PDC: variants seen among roughly 807,000 people sequenced by gnomAD.
The protein encoded by PDC is phosducin, also known as 33 kDa phototransducing protein.
A neutral mutation model predicts 22.2 loss-of-function variants in PDC; 19 were observed. The observed-to-expected ratio is 0.86, with a 90% CI of 0.60 to 1.26. The LOEUF is 1.26. PDC is among the 50% of genes most tolerant of loss of function. The probability of loss-of-function intolerance (pLI) is 0.00; values close to 1 mark genes in which losing one functional copy is unlikely to be tolerated. For missense variants in PDC, 274 were observed against 286.8 expected (o/e 0.96, Z 0.32); for synonymous variants, 97 against 96.2 (o/e 1.01, Z -0.05).
intron 1 of PDC, among the ~76,000 whole-genome samples, chr1:186,450,757 A>G (rs2102132647): frequency 6.6e-6 from 1 of 152,282 alleles, no homozygotes; most frequent in Non-Finnish European, 1.5e-5. Context: ...GTTCACACTC[A>G]TATCAAATCT....
chr1:186,455,995 AT>A (rs1459433073), intron 1 of PDC, among the ~76,000 whole-genome samples: 4,930 of 55,008 alleles, frequency 0.09, 557 homozygotes, highest in East Asian at 0.26. Flanking sequence ...AAAAAAAAAA[AT>A]ATATATATAT....
At position 186,444,162 on chromosome 1, in the gene PDC, A is replaced by G; in HGVS notation, c.558T>C (p.Leu186=). 1 of 1,613,620 alleles carries G rather than the reference A, an allele frequency of 6.2e-7. No individual in the cohort carries two copies. Among genetic ancestry groups the G allele is most frequent in the Middle Eastern group, 1.6e-4 (1 of 6,062 alleles). ...CACCTTTATAGATGAGCAGTGTAGG[A>G]AGTACATCTAAGGAAAAGCGGTCCC... ...GAGDRFSLDV[L]PTLLIYKGGE... is the part of the protein sequence containing the mutation. The change falls in exon 4 of 4, where the codon CTT becomes CTC. Residue 186 remains leucine, a synonymous_variant. Coordinates refer to ENST00000391997, the MANE Select transcript of PDC (RefSeq NM_002597.5).
At chr1:186,447,440 T>C (rs1013571700) in intron 2 of PDC, among the ~76,000 whole-genome samples, 4 of 152,208 alleles carry the variant, frequency 2.6e-5, no homozygotes, top group Admixed American at 2.6e-4. Context: ...TGAGCCACTG[T>C]GCCCGGCCAG....
chr1:186,446,718 A>G (rs1163001854), intron 2 of PDC, 141 bp from the exon 3 acceptor site: 2 of 495,798 alleles, frequency 4.0e-6, no homozygotes, highest in Non-Finnish European at 7.1e-6. Context: ...TGGACTAGAA[A>G]TTTCTGACTG....
At chr1:186,450,233 A>G (rs1662322472) in intron 1 of PDC, among the ~76,000 whole-genome samples, 1 of 152,244 alleles carries the variant, frequency 6.6e-6, no homozygotes, top group East Asian at 1.9e-4. Flanking sequence ...TCTAAGGAAC[A>G]CTATTCAATA....
intron 2 of PDC, chr1:186,448,737 T>A: frequency 1.3e-6 from 1 of 755,482 alleles, no homozygotes; most frequent in Non-Finnish European, 1.6e-6. Flanking sequence ...GCTGGTACTC[T>A]TGTGAATTCT....
At chr1:186,448,062 A>G (rs1478655704) in intron 2 of PDC, among the ~76,000 whole-genome samples, 1 of 152,140 alleles carries the variant, frequency 6.6e-6, no homozygotes, top group Non-Finnish European at 1.5e-5. Flanking sequence ...TTTAATCGTG[A>G]TCTACATTGT....
Position 186,443,756 on chromosome 1 carries a change from A to G in PDC, c.*223T>C, listed in dbSNP as rs1662153812. ...AATATTATCCACATCCTCTTTGTCT[A>G]CTAATAATGTTGCTGAAGACAGCTC... On this transcript the variant is annotated 3_prime_UTR_variant, in exon 4 of 4. Transcript: ENST00000391997. 2 of 475,324 alleles carry G rather than the reference A, an allele frequency of 4.2e-6. No individual in the cohort carries two copies. The highest frequency in any genetic ancestry group is 3.7e-6 in the Non-Finnish European group (1 of 269,128). 29.4% of individuals were successfully genotyped at this position (475,324 alleles called of 1,614,324 possible).
Position 186,446,533 on chromosome 1 carries a change from T to C in PDC, c.106A>G (p.Ser36Gly). ...INDWRKFKLESQDSDSIPPSK... is the reference protein window; with the variant it reads ...INDWRKFKLEGQDSDSIPPSK... ...GGTGGAATTGAATCACTGTCTTGAC[T>C]CTCTAATTTAAACTTTCTCCAATCA... is the stretch of plus-strand genomic sequence containing the variant. Residue 36 changes from serine to glycine, a missense_variant, in exon 3 of 4, where the codon AGT (serine) becomes GGT (glycine). By Grantham distance (56) the Ser-to-Gly change is moderately conservative. Coordinates refer to ENST00000391997, the MANE Select transcript of PDC (RefSeq NM_002597.5). The C allele has an allele frequency of 6.3e-7, 1 of 1,595,356 alleles. No individual in the cohort carries two copies. The highest frequency in any genetic ancestry group is 8.6e-7 in the Non-Finnish European group (1 of 1,165,150).
rs953672395 is a variant in PDC at position 186,461,114 on chromosome 1, T to C, written c.-80A>G. 1 of 154,812 alleles carries C rather than the reference T, an allele frequency of 6.5e-6. No homozygotes were observed. The highest frequency in any genetic ancestry group is 1.5e-5 in the Non-Finnish European group (1 of 68,236). 9.6% of individuals were successfully genotyped at this position (154,812 alleles called of 1,614,324 possible). On this transcript the variant is annotated 5_prime_UTR_variant, in exon 1 of 4. Transcript: ENST00000391997. ...TGAGTGGGTGAGAATCCCTGTCTACTGAACTCGTCTTGAACTTCAATAGGT... is the reference window on the plus strand; with the variant it reads ...TGAGTGGGTGAGAATCCCTGTCTACCGAACTCGTCTTGAACTTCAATAGGT...
intron 1 of PDC, among the ~76,000 whole-genome samples, chr1:186,455,996 T>TAA (rs1662461533): frequency 2.2e-5 from 1 of 45,804 alleles, no homozygotes; most frequent in Non-Finnish European, 3.4e-5. Flanking sequence ...AAAAAAAAAA[T>TAA]ATATATATAT....
intron 1 of PDC, among the ~76,000 whole-genome samples, chr1:186,457,283 G>A (rs1214921802): frequency 3.3e-5 from 5 of 152,102 alleles, no homozygotes; most frequent in Non-Finnish European, 5.9e-5. Context: ...TCAGTGGTGA[G>A]AATTTCATAT....
At chr1:186,450,696 T>C (rs1039967059) in intron 1 of PDC, among the ~76,000 whole-genome samples, 8 of 152,176 alleles carry the variant, frequency 5.3e-5, no homozygotes, top group African/African-American at 1.9e-4. Context: ...TTTTTATTCA[T>C]ACGAAACTCC....
chr1:186,446,687 A>G lies in PDC; in HGVS notation c.62-110T>C, dbSNP rs1439850621. 5.2e-6 allele frequency: 3 copies of G among 578,512 alleles called. No homozygotes were observed. In the African/African-American group the frequency reaches 5.6e-5, roughly 11 times the overall value. The allele number at this position is 578,512 out of a possible 1,614,324, so 35.8% of individuals were successfully genotyped here. A position where few individuals can be genotyped will look rare whatever the true frequency, so the allele number is the denominator to read the frequency against. ...ATGGAATAAACTTATTGTCTCCTGC[A>G]TCAGAAACAAACATCTTGTTTGGAC... On this transcript the variant is annotated intron_variant, in intron 2 of 3. Coordinates refer to ENST00000391997, the MANE Select transcript of PDC (RefSeq NM_002597.5).
chr1:186,444,440 G>A lies in PDC; in HGVS notation c.280C>T (p.Arg94Cys), dbSNP rs567786815. The A allele has an allele frequency of 1.9e-6, 3 of 1,611,874 alleles. No individual in the cohort carries two copies. The highest frequency in any genetic ancestry group is 2.2e-5 in the East Asian group (1 of 44,854). ...KEDENCLRKY[R>C]RQCMQDMHQK... ...TGCATATCCTGCATACACTGTCTAC[G>A]GTATTTACGAAGGCAGTTTTCATCC... Residue 94 changes from arginine to cysteine, a missense_variant, in exon 4 of 4, where the codon CGT becomes TGT. Physicochemically the swap from Arg to Cys is radical, Grantham distance 180 (BLOSUM62 -3). Coordinates refer to ENST00000391997, the MANE Select transcript of PDC (RefSeq NM_002597.5).
At chr1:186,444,775 A>G (rs1662187016) in intron 3 of PDC, among the ~76,000 whole-genome samples, 2 of 152,122 alleles carry the variant, frequency 1.3e-5, no homozygotes, top group African/African-American at 2.4e-5. Context: ...AAACACTATT[A>G]TATCTTATAA....
intron 3 of PDC, 120 bp downstream of exon 3, chr1:186,446,306 G>T (rs557527103): frequency 1.9e-5 from 12 of 617,788 alleles, no homozygotes; most frequent in Middle Eastern, 3.5e-4. Context: ...ATTTTTTTTT[G>T]CCAGCGTAAG....
At chr1:186,457,762 A>G (rs1324015876) in intron 1 of PDC, among the ~76,000 whole-genome samples, 1 of 152,194 alleles carries the variant, frequency 6.6e-6, no homozygotes, top group Non-Finnish European at 1.5e-5. Flanking sequence ...CAAAATGGCT[A>G]TAACAAATTA....
chr1:186,457,595 G>A (rs906681432), intron 1 of PDC, among the ~76,000 whole-genome samples: 1 of 152,058 alleles, frequency 6.6e-6, no homozygotes, highest in African/African-American at 2.4e-5. Context: ...TTCTCTAATG[G>A]AGTAAGACAA....
Sources: gnomAD v4.1 joint callset for allele counts (sites outside exome capture counted in the v4.1 genomes callset) on GRCh38, gnomAD v4.1.1 for gene constraint, MANE v1.5 for transcripts, NCBI Gene and HGNC (gene_info 2026-07-23, HGNC 2026-07-21) for gene names.